COL25A1: variants seen among roughly 807,000 people sequenced by gnomAD.
COL25A1 encodes the protein collagen alpha-1(XXV) chain.
COL25A1 carries 103 observed loss-of-function variants against 128.4 expected under a neutral mutation model. The ratio of observed to expected loss-of-function variants is 0.80; its 90% CI spans 0.68 to 0.94. The LOEUF (loss-of-function observed/expected upper bound fraction) is 0.94. COL25A1 is among the 40% of genes least tolerant of loss of function. The pLI, the probability that COL25A1 is intolerant of heterozygous loss-of-function variation, is 0.00. For missense variants in COL25A1, 745 were observed against 840.0 expected (o/e 0.89, Z 1.40); for synonymous variants, 279 against 277.2 (o/e 1.01, Z -0.06).
At chr4:109,274,442 G>C (rs1435191045) in intron 3 of COL25A1, among the ~76,000 whole-genome samples, 1 of 152,030 alleles carries the variant, frequency 6.6e-6, no homozygotes, top group African/African-American at 2.4e-5. Flanking sequence ...CCTCAGATTA[G>C]TTAACAACTA....
intron 3 of COL25A1, among the ~76,000 whole-genome samples, chr4:109,134,211 A>G (rs1254928810): frequency 6.8e-6 from 1 of 146,782 alleles, no homozygotes; most frequent in Non-Finnish European, 1.5e-5. Context: ...TTTTTTTCTT[A>G]TAGGTAATGA....
At chr4:108,907,437 T>C (rs1231126590) in intron 13 of COL25A1, among the ~76,000 whole-genome samples, 2 of 152,158 alleles carry the variant, frequency 1.3e-5, no homozygotes, top group Non-Finnish European at 2.9e-5. Context: ...ACGATGCTGG[T>C]TCTATAAATT....
chr4:109,139,179 T>C (rs368103332), intron 3 of COL25A1, among the ~76,000 whole-genome samples: 1 of 145,718 alleles, frequency 6.9e-6, no homozygotes, highest in Non-Finnish European at 1.5e-5. Context: ...GAAGGGGTTG[T>C]TTTTTCCTTG....
At chr4:108,953,717 T>C (rs1356469674) in intron 8 of COL25A1, among the ~76,000 whole-genome samples, 1 of 151,696 alleles carries the variant, frequency 6.6e-6, no homozygotes, top group Non-Finnish European at 1.5e-5. Context: ...TAAGAAAAAA[T>C]AAATGCTTCA....
At chr4:109,063,963 C>G (rs910193298) in intron 3 of COL25A1, among the ~76,000 whole-genome samples, 1 of 152,116 alleles carries the variant, frequency 6.6e-6, no homozygotes, top group Non-Finnish European at 1.5e-5. Flanking sequence ...ACCTAAGGCA[C>G]AGTGATAAAG....
chr4:109,020,777 C>T (rs1404688978), intron 5 of COL25A1, among the ~76,000 whole-genome samples: 1 of 152,072 alleles, frequency 6.6e-6, no homozygotes, highest in African/African-American at 2.4e-5. Flanking sequence ...ACATACAGAA[C>T]ACACAAAAAA....
intron 3 of COL25A1, among the ~76,000 whole-genome samples, chr4:109,256,974 C>T (rs116715525): frequency 7.1e-4 from 108 of 152,306 alleles, no homozygotes; most frequent in African/African-American, 2.2e-3. Flanking sequence ...TTCCCCTTAA[C>T]AATTTTATCT....
At chr4:109,122,831 T>C (rs1230993317) in intron 3 of COL25A1, among the ~76,000 whole-genome samples, 4 of 151,992 alleles carry the variant, frequency 2.6e-5, no homozygotes, top group African/African-American at 7.2e-5. Flanking sequence ...ACCATGAACA[T>C]AGAGAAATAT....
chr4:108,860,867 A>T, intron 23 of COL25A1, 60 bp downstream of exon 23: 1 of 1,317,328 alleles, frequency 7.6e-7, no homozygotes, highest in Non-Finnish European at 1.1e-6. Flanking sequence ...CCATGCAGAC[A>T]TGAATTCAAA....
In COL25A1 at chr4:108,980,044, G is replaced by T. The variant is rs17039618; in HGVS notation, c.439-5485C>A. Among the ~76,000 whole-genome samples, 297 of 152,292 alleles carry T rather than the reference G, an allele frequency of 2.0e-3. 3 individuals carry two copies. Among genetic ancestry groups the T allele is most frequent in the Middle Eastern group, 6.8e-3 (2 of 294 alleles). Reference sequence around the variant, plus strand: ...CTGTCAGAGAAAGGAGTTCAGGGTGGTAAGAACATGTGGGGAGTGGAGATA... The same window carrying T: ...CTGTCAGAGAAAGGAGTTCAGGGTGTTAAGAACATGTGGGGAGTGGAGATA... On this transcript the variant is annotated intron_variant, in intron 6 of 37. Coordinates refer to ENST00000399132, the MANE Select transcript of COL25A1 (RefSeq NM_198721.4).
chr4:109,293,028 G>C (rs770609799), intron 3 of COL25A1, among the ~76,000 whole-genome samples: 6 of 151,956 alleles, frequency 3.9e-5, no homozygotes, highest in Non-Finnish European at 8.8e-5. Flanking sequence ...TAAAATGCCA[G>C]CTGGAATCTG....
intron 3 of COL25A1, among the ~76,000 whole-genome samples, chr4:109,232,977 T>C (rs1235822690): frequency 2.6e-5 from 4 of 152,214 alleles, no homozygotes; most frequent in Non-Finnish European, 4.4e-5. Flanking sequence ...AAGTGATAAC[T>C]GCTATCTTCA....
rs141402820 is a variant in COL25A1, at chr4:109,038,153, G to A, written c.420+10015C>T. On this transcript the variant is annotated intron_variant, in intron 5 of 37. Transcript: ENST00000399132. ...TGATGTGTCAACTTGGCGAGGCTGCGGTGCCCAGTTGTTTGGACAAATACT... is the reference window on the plus strand; with the variant it reads ...TGATGTGTCAACTTGGCGAGGCTGCAGTGCCCAGTTGTTTGGACAAATACT... Among the ~76,000 whole-genome samples, 51 of 152,204 alleles carry A rather than the reference G, an allele frequency of 3.4e-4. No individual in the cohort carries two copies. In the East Asian group the frequency reaches 7.7e-3, roughly 23 times the overall value.
At chr4:108,935,077 C>T (rs1747240470) in intron 11 of COL25A1, among the ~76,000 whole-genome samples, 1 of 152,164 alleles carries the variant, frequency 6.6e-6, no homozygotes, top group South Asian at 2.1e-4. Context: ...CATTCATTTA[C>T]TGCTATCAGA....
chr4:108,879,790 T>C (rs1327267094), intron 19 of COL25A1, among the ~76,000 whole-genome samples: 1 of 151,534 alleles, frequency 6.6e-6, no homozygotes, highest in African/African-American at 2.4e-5. Context: ...GCTGAAAATC[T>C]ATATTTATTT....
Position 108,889,144 on chromosome 4 carries a change from T to G in COL25A1, c.975+77A>C. 3 of 1,228,558 alleles carry G rather than the reference T, an allele frequency of 2.4e-6. No individual in the cohort carries two copies. In the Admixed American group the frequency reaches 6.0e-5, roughly 25 times the overall value. 76.1% of individuals were successfully genotyped at this position (1,228,558 alleles called of 1,614,324 possible). On this transcript the variant is annotated intron_variant, in intron 18 of 37. Transcript: ENST00000399132. ...CCGCATCATTTTGTAATAATTGTTT[T>G]CATATTACACAGTGGATGGTAGATA...
intron 3 of COL25A1, among the ~76,000 whole-genome samples, chr4:109,088,762 A>G (rs1764640537): frequency 6.6e-6 from 1 of 152,218 alleles, no homozygotes; most frequent in Non-Finnish European, 1.5e-5. Context: ...GCGGGGCCAC[A>G]TGTAACCATT....
At chr4:109,058,783 T>C (rs1399007903) in intron 3 of COL25A1, among the ~76,000 whole-genome samples, 3 of 152,178 alleles carry the variant, frequency 2.0e-5, no homozygotes, top group Non-Finnish European at 4.4e-5. Flanking sequence ...GGCCCAGATA[T>C]TTAAGCGGGT....
In COL25A1 at chr4:109,144,024, G is replaced by A. The variant is rs149019205; in HGVS notation, c.368-93845C>T. On this transcript the variant is annotated intron_variant, in intron 3 of 37. Transcript: ENST00000399132. ...TTTGAGCTGATTTTTCCTCATCTTC[G>A]TGGATTTATCTACCTTTGATCTTTC... Among the ~76,000 whole-genome samples the A allele has an allele frequency of 5.7e-3, 861 of 152,240 alleles. 15 individuals are homozygous for A. The highest frequency in any genetic ancestry group is 0.037 in the Admixed American group (571 of 15,290).
Sources: allele counts gnomAD v4.1 joint callset (sites outside exome capture counted in the v4.1 genomes callset), GRCh38; gene constraint gnomAD v4.1.1; transcripts MANE v1.5; gene names NCBI Gene and HGNC (gene_info 2026-07-23, HGNC 2026-07-21).